The following PTPRN2 variants were observed in gnomAD, a reference collection of about 807,000 sequenced individuals.
PTPRN2 encodes the protein protein tyrosine phosphatase receptor type N2.
Under a neutral mutation model 118.8 loss-of-function variants are expected in PTPRN2, and 74 were observed. That is an observed-to-expected ratio of 0.62 (90% CI 0.52 to 0.76). The LOEUF (loss-of-function observed/expected upper bound fraction) is 0.76, where lower values mean the gene tolerates loss of function less well. Ranked by LOEUF, PTPRN2 falls within the 30% of genes least tolerant of loss-of-function variation. PTPRN2 has a pLI of 0.00. For missense variants in PTPRN2, 1,481 were observed against 1,394.4 expected (o/e 1.06, Z -0.99); for synonymous variants, 641 against 608.0 (o/e 1.05, Z -0.80).
At chr7:158,392,966 C>T (rs1052575750) in intron 2 of PTPRN2, among the ~76,000 whole-genome samples, 9 of 152,188 alleles carry the variant, frequency 5.9e-5, no homozygotes, top group Non-Finnish European at 1.3e-4. Context: ...CTAGAACCAC[C>T]AGCCCCTCCA....
intron 10 of PTPRN2, among the ~76,000 whole-genome samples, chr7:158,090,264 C>G (rs1424435135): frequency 6.6e-6 from 1 of 151,942 alleles, no homozygotes; most frequent in East Asian, 1.9e-4. Flanking sequence ...ACAATGTGTT[C>G]ACATGGGTCC....
chr7:157,675,557 T>G (rs1263958677), intron 13 of PTPRN2, among the ~76,000 whole-genome samples: 1 of 152,202 alleles, frequency 6.6e-6, no homozygotes, highest in African/African-American at 2.4e-5. Context: ...TCAGTTTTAG[T>G]TCAGAAAATG....
chr7:158,236,426 A>G (rs1273986223), intron 3 of PTPRN2, among the ~76,000 whole-genome samples: 1 of 152,000 alleles, frequency 6.6e-6, no homozygotes, highest in Non-Finnish European at 1.5e-5. Flanking sequence ...CACCAGACAA[A>G]CGTTGAGGGG....
chr7:157,796,260 G>A (rs957136344), intron 12 of PTPRN2, among the ~76,000 whole-genome samples: 4 of 152,180 alleles, frequency 2.6e-5, no homozygotes, highest in Non-Finnish European at 5.9e-5. Flanking sequence ...TTTCTTTCCC[G>A]GTGAACTTTC....
rs145676050 is a variant in PTPRN2, at chr7:157,775,188, C to T, written c.1789-92251G>A. On this transcript the variant is annotated intron_variant, in intron 12 of 22. Coordinates refer to ENST00000389418, the MANE Select transcript of PTPRN2 (RefSeq NM_002847.5). Reference sequence around the variant, plus strand: ...GCTCAGATGTGACTTGGGAAGATGGCGCCACTCTGCAGGACGCCGTGTGTG... The same window carrying T: ...GCTCAGATGTGACTTGGGAAGATGGTGCCACTCTGCAGGACGCCGTGTGTG... Among the ~76,000 whole-genome samples the T allele has an allele frequency of 2.8e-3, 433 of 152,238 alleles. 3 individuals are homozygous for T. The highest frequency in any genetic ancestry group is 0.01 in the Middle Eastern group (3 of 294).
rs182990745 is a variant in PTPRN2 at position 157,962,190 on chromosome 7, A to C, written c.1724-63453T>G. 5.6e-3 allele frequency among the ~76,000 whole-genome samples: 855 copies of C among 152,386 alleles called. 11 individuals carry two copies. Among genetic ancestry groups the C allele is most frequent in the African/African-American group, 0.019 (811 of 41,596 alleles). ...TATTTTTCTTTGAAATTTAAGGAGA[A>C]GCAAAGTGCTTTTAAAATGTTTGCG... On this transcript the variant is annotated intron_variant, in intron 11 of 22. Coordinates refer to ENST00000389418, the MANE Select transcript of PTPRN2 (RefSeq NM_002847.5).
intron 12 of PTPRN2, among the ~76,000 whole-genome samples, chr7:157,895,317 A>C (rs905298335): frequency 1.2e-4 from 18 of 151,754 alleles, no homozygotes; most frequent in Non-Finnish European, 2.6e-4. Flanking sequence ...GAGGATCTGG[A>C]CGAGACCATA....
chr7:158,154,279 C>A (rs1339731546), intron 6 of PTPRN2, among the ~76,000 whole-genome samples: 1 of 152,204 alleles, frequency 6.6e-6, no homozygotes. Context: ...TCGGGGAAAC[C>A]CATCCAGCCT....
chr7:157,945,511 C>A (rs926260653), intron 11 of PTPRN2, among the ~76,000 whole-genome samples: 1 of 152,154 alleles, frequency 6.6e-6, no homozygotes, highest in South Asian at 2.1e-4. Flanking sequence ...CTGAACCTGC[C>A]GTTCCCAACT....
At chr7:158,368,570 G>A (rs188073222) in intron 2 of PTPRN2, among the ~76,000 whole-genome samples, 2 of 152,222 alleles carry the variant, frequency 1.3e-5, no homozygotes, top group African/African-American at 2.4e-5. Flanking sequence ...GGCCCGGCCC[G>A]CCCGCACAGT....
chr7:158,483,064 G>A (rs968589468), intron 2 of PTPRN2, among the ~76,000 whole-genome samples: 3 of 152,194 alleles, frequency 2.0e-5, no homozygotes, highest in African/African-American at 7.2e-5. Context: ...TTCAGCCTAT[G>A]ACATCAGAGC....
At chr7:157,658,641 G>C (rs1400920117) in intron 13 of PTPRN2, among the ~76,000 whole-genome samples, 1 of 152,208 alleles carries the variant, frequency 6.6e-6, no homozygotes, top group East Asian at 1.9e-4. Context: ...GTGCAGCCTG[G>C]GTGCCCCCCT....
Position 158,294,978 on chromosome 7 carries a change from CCCTG to C in PTPRN2, c.277+21837_277+21840del, listed in dbSNP as rs773287156. Among the ~76,000 whole-genome samples the C allele has an allele frequency of 2.8e-5, 4 of 145,018 alleles. 1 individual carries two copies. In the South Asian group the frequency reaches 8.7e-4, roughly 31 times the overall value. Reference sequence around the variant, plus strand: ...GGTCCAAGCCCACGGCGCCCGCTGACCCTGCCTGTCTGCCCAGACACTGCACCAC... The same window carrying C: ...GGTCCAAGCCCACGGCGCCCGCTGACCCTGTCTGCCCAGACACTGCACCAC... On this transcript the variant is annotated intron_variant, in intron 3 of 22. Coordinates refer to ENST00000389418, the MANE Select transcript of PTPRN2 (RefSeq NM_002847.5).
intron 14 of PTPRN2, among the ~76,000 whole-genome samples, chr7:157,638,565 G>A (rs1042334452): frequency 1.3e-5 from 2 of 152,258 alleles, no homozygotes; most frequent in Admixed American, 1.3e-4. Context: ...AGAACAGAGA[G>A]CTGATATGTC....
intron 2 of PTPRN2, among the ~76,000 whole-genome samples, chr7:158,378,740 C>G (rs1486228623): frequency 6.6e-6 from 1 of 152,062 alleles, no homozygotes; most frequent in Non-Finnish European, 1.5e-5. Context: ...GTTATAGGCT[C>G]AGGCAGGCAC....
Position 157,952,278 on chromosome 7 carries a change from G to A in PTPRN2, c.1724-53541C>T, listed in dbSNP as rs555356426. On this transcript the variant is annotated intron_variant, in intron 11 of 22. Transcript: ENST00000389418. The stretch of plus-strand genomic sequence containing the variant: ...AACTTAGGAGGAGTGAAGAGTGGAA[G>A]AGTGCCCGGTGCAGGGATGGGTGGG... Among the ~76,000 whole-genome samples, 823 of 152,204 alleles carry A rather than the reference G, an allele frequency of 5.4e-3. 10 individuals carry two copies. Among genetic ancestry groups the A allele is most frequent in the African/African-American group, 0.019 (795 of 41,516 alleles).
rs1797952659 is a variant in PTPRN2, at chr7:157,540,223, C to T, written c.*491G>A. On this transcript the variant is annotated 3_prime_UTR_variant, in exon 23 of 23. Transcript: ENST00000389418. ...AAGCTGCAGGACGTTCAGTTCTGTC[C>T]CTGCGGCTTCTCCCAATGATAAACT... 6.5e-6 allele frequency: 1 copy of T among 152,906 alleles called. No individual in the cohort carries two copies. The highest frequency in any genetic ancestry group is 1.9e-4 in the East Asian group (1 of 5,186). 9.5% of individuals were successfully genotyped at this position (152,906 alleles called of 1,614,324 possible). A position where few individuals can be genotyped will look rare whatever the true frequency, so the allele number is the denominator to read the frequency against.
At chr7:158,090,735 G>C (rs1173109087) in intron 10 of PTPRN2, among the ~76,000 whole-genome samples, 29 of 152,142 alleles carry the variant, frequency 1.9e-4, no homozygotes, top group Admixed American at 1.9e-3. Context: ...TAAGAGTTCT[G>C]CGTAAAAGGC....
At chr7:158,270,849 ACCGCCCCCCCACC>A (rs1798357791) in intron 3 of PTPRN2, among the ~76,000 whole-genome samples, 3 of 7,852 alleles carry the variant, frequency 3.8e-4, no homozygotes, top group South Asian at 7.5e-3. Context: ...CCTCACCTGG[ACCGCCCCCCCACC>A]TGGACCGCCC....
Sources: allele counts gnomAD v4.1 joint callset (sites outside exome capture counted in the v4.1 genomes callset), GRCh38; gene constraint gnomAD v4.1.1; transcripts MANE v1.5; gene names NCBI Gene and HGNC (gene_info 2026-07-23, HGNC 2026-07-21).